Variants in DNAL1 observed in about 807,000 individuals in gnomAD.
DNAL1 encodes chromosome 14 open reading frame 168.
In DNAL1, 17 loss-of-function variants were observed where a neutral mutation model predicts 29.4. The ratio of observed to expected loss-of-function variants is 0.58; its 90% CI spans 0.40 to 0.87. The LOEUF is 0.87. DNAL1 is among the 40% of genes least tolerant of loss of function. The probability of loss-of-function intolerance (pLI) is 0.00; values close to 1 mark genes in which losing one functional copy is unlikely to be tolerated. For missense variants in DNAL1, 188 were observed against 214.1 expected, an observed-to-expected ratio of 0.88 and a Z score of 0.76; for synonymous variants, 78 against 76.3, an observed-to-expected ratio of 1.02 and a Z score of -0.12.
chr14:73,691,095 A>G (rs1039247239), intron 7 of DNAL1, among the ~76,000 whole-genome samples: 1 of 152,230 alleles, frequency 6.6e-6, no homozygotes, highest in Non-Finnish European at 1.5e-5. Flanking sequence ...GTTCATTGGT[A>G]ATCTAAAAAC....
intron 4 of DNAL1, 140 bp downstream of exon 4, chr14:73,662,182 C>G: frequency 2.9e-6 from 2 of 678,730 alleles, no homozygotes; most frequent in Non-Finnish European, 4.9e-6. Flanking sequence ...TAAACTATGT[C>G]TTAAGTTTGA....
intron 2 of DNAL1, among the ~76,000 whole-genome samples, chr14:73,657,238 G>C: frequency 6.6e-6 from 1 of 152,022 alleles, no homozygotes; most frequent in East Asian, 1.9e-4. Context: ...TCTGGGGACA[G>C]GGTCTCTGTT....
chr14:73,694,033 T>C (rs1200063237), intron 7 of DNAL1, among the ~76,000 whole-genome samples: 1 of 152,000 alleles, frequency 6.6e-6, no homozygotes, highest in Non-Finnish European at 1.5e-5. Flanking sequence ...AAGGCATCAC[T>C]GAGGAAGAGA....
intron 4 of DNAL1, among the ~76,000 whole-genome samples, chr14:73,667,843 G>T (rs1891524781): frequency 6.6e-6 from 1 of 152,080 alleles, no homozygotes; most frequent in African/African-American, 2.4e-5. Flanking sequence ...TTTTCCAGTT[G>T]TTCAGGCCAA....
At chr14:73,669,532 C>G (rs1465893720) in intron 4 of DNAL1, among the ~76,000 whole-genome samples, 1 of 152,206 alleles carries the variant, frequency 6.6e-6, no homozygotes, top group Non-Finnish European at 1.5e-5. Context: ...GCCTCGGCCT[C>G]CCAAAGTGCT....
chr14:73,701,172 A>G lies in DNAL1; in HGVS notation c.*5230A>G, dbSNP rs1595234483. 6.6e-6 allele frequency: 1 copy of G among 152,234 alleles called. No homozygotes were observed. Among genetic ancestry groups the G allele is most frequent in the Non-Finnish European group, 1.5e-5 (1 of 68,036 alleles). The allele number at this position is 152,234 out of a possible 1,614,324, so 9.4% of individuals were successfully genotyped here. A position where few individuals can be genotyped will look rare whatever the true frequency, so the allele number is the denominator to read the frequency against. On this transcript the variant is annotated 3_prime_UTR_variant, in exon 8 of 8. Transcript: ENST00000553645. ...TTTCCCATATTGGGCAGTTTAGAGGAGACCCAGCCAACCAAATTATGATCT... is the reference window on the plus strand; with the variant it reads ...TTTCCCATATTGGGCAGTTTAGAGGGGACCCAGCCAACCAAATTATGATCT...
Position 73,662,111 on chromosome 14 carries a change from T to TA in DNAL1, c.208+70dup, listed in dbSNP as rs1431593750. On this transcript the variant is annotated intron_variant, in intron 4 of 7. Coordinates refer to ENST00000553645, the MANE Select transcript of DNAL1 (RefSeq NM_031427.4). ...ATTTTAATAAACATTCCGGAGACAA[T>TA]ATGTAATTCCAGAAGCTGGCACCTG... 6 of 1,333,684 alleles carry TA rather than the reference T, an allele frequency of 4.5e-6. No homozygotes were observed. The African/African-American group carries it at 8.8e-5, about 20-fold the overall frequency. The allele number at this position is 1,333,684 out of a possible 1,614,324, so 82.6% of individuals were successfully genotyped here. A position where few individuals can be genotyped will look rare whatever the true frequency, so the allele number is the denominator to read the frequency against.
chr14:73,680,221 T>C (rs60277917), intron 5 of DNAL1, among the ~76,000 whole-genome samples: 5,972 of 152,294 alleles, frequency 0.039, 351 homozygotes, highest in African/African-American at 0.13. Flanking sequence ...AAGTTCCACC[T>C]TGTTTTCCTC....
intron 4 of DNAL1, 23 bp downstream of exon 4, chr14:73,662,065 T>C: frequency 6.5e-7 from 1 of 1,539,342 alleles, no homozygotes; most frequent in Non-Finnish European, 8.8e-7. Flanking sequence ...CAGTAACAGA[T>C]GGTTCATGGA....
chr14:73,691,422 G>T (rs7147089), intron 7 of DNAL1, among the ~76,000 whole-genome samples: 5,931 of 151,834 alleles, frequency 0.039, 343 homozygotes, highest in African/African-American at 0.13. Flanking sequence ...GGTGGTGGGT[G>T]CCTGTAATCT....
intron 5 of DNAL1, among the ~76,000 whole-genome samples, chr14:73,683,208 G>T (rs972245772): frequency 6.6e-6 from 1 of 152,032 alleles, no homozygotes; most frequent in African/African-American, 2.4e-5. Context: ...AGTAGAAGGG[G>T]TATATCTTAA....
chr14:73,678,106 C>T (rs1891789163), intron 5 of DNAL1, among the ~76,000 whole-genome samples: 1 of 151,570 alleles, frequency 6.6e-6, no homozygotes, highest in South Asian at 2.1e-4. Flanking sequence ...CCATGTTGCC[C>T]AGGCTGGTCT....
chr14:73,662,902 C>T (rs1595207929), intron 4 of DNAL1, among the ~76,000 whole-genome samples: 1 of 151,402 alleles, frequency 6.6e-6, no homozygotes, highest in Admixed American at 6.6e-5. Flanking sequence ...TTTAGCCTAC[C>T]ACAGTCTCTC....
rs190250908 is a variant in DNAL1 at position 73,676,014 on chromosome 14, G to T, written c.264+4417G>T. 2.3e-3 allele frequency among the ~76,000 whole-genome samples: 353 copies of T among 150,864 alleles called. 3 individuals carry two copies. The highest frequency in any genetic ancestry group is 0.014 in the South Asian group (68 of 4,750). On this transcript the variant is annotated intron_variant, in intron 5 of 7. Transcript: ENST00000553645. ...GGGCAACAGAGTGAGACTTTGTCTC[G>T]ATAAATAAATAAATAAGTAAATAAT...
At position 73,702,682 on chromosome 14, in the gene DNAL1, T is replaced by C. The variant is rs1037366474; in HGVS notation, c.*6740T>C. 6.6e-6 allele frequency: 1 copy of C among 152,160 alleles called. No individual in the cohort carries two copies. The highest frequency in any genetic ancestry group is 2.4e-5 in the African/African-American group (1 of 41,420). The allele number at this position is 152,160 out of a possible 1,614,324, so 9.4% of individuals were successfully genotyped here. A position where few individuals can be genotyped will look rare whatever the true frequency, so the allele number is the denominator to read the frequency against. On this transcript the variant is annotated 3_prime_UTR_variant, in exon 8 of 8. Coordinates refer to ENST00000553645, the MANE Select transcript of DNAL1 (RefSeq NM_031427.4). Reference sequence around the variant, plus strand: ...TTGAGAAAAAGGAATCACCAAGCAATATCCGTAACATTACACATTTTGCCA... The same window carrying C: ...TTGAGAAAAAGGAATCACCAAGCAACATCCGTAACATTACACATTTTGCCA...
chr14:73,670,828 C>A (rs1170663045), intron 4 of DNAL1, among the ~76,000 whole-genome samples: 3 of 152,010 alleles, frequency 2.0e-5, no homozygotes, highest in African/African-American at 4.8e-5. Context: ...GCTCCGCCTC[C>A]TGAATTCACA....
chr14:73,683,379 A>G (rs1891937597), intron 5 of DNAL1, among the ~76,000 whole-genome samples: 1 of 152,170 alleles, frequency 6.6e-6, no homozygotes, highest in South Asian at 2.1e-4. Context: ...GCCTTGTGCT[A>G]CCACATTATG....
At chr14:73,646,043 C>G (rs1890968839) in intron 1 of DNAL1, among the ~76,000 whole-genome samples, 1 of 152,176 alleles carries the variant, frequency 6.6e-6, no homozygotes, top group African/African-American at 2.4e-5. Flanking sequence ...CTGCCCTCAA[C>G]AAGATGAAAT....
rs1462378215 is a variant in DNAL1, at chr14:73,672,789, C to G, written c.264+1192C>G. Among the ~76,000 whole-genome samples the G allele has an allele frequency of 2.7e-5, 4 of 148,484 alleles. No individual in the cohort carries two copies. In the Admixed American group the frequency reaches 2.7e-4, roughly 10 times the overall value. On this transcript the variant is annotated intron_variant, in intron 5 of 7. Transcript: ENST00000553645. ...TTTTTTTTTTGAGACGGAGTCTTGC[C>G]CTGTCACCCAGGCTAGGGTGCAGTG...
Sources: allele counts gnomAD v4.1 joint callset (sites outside exome capture counted in the v4.1 genomes callset), GRCh38; gene constraint gnomAD v4.1.1; transcripts MANE v1.5; gene names NCBI Gene and HGNC (gene_info 2026-07-23, HGNC 2026-07-21).